The following PTPRM variants were observed in gnomAD, a reference collection of about 807,000 sequenced individuals.
PTPRM encodes the protein protein tyrosine phosphatase receptor type M, also known as receptor-type tyrosine-protein phosphatase mu.
In PTPRM, 47 loss-of-function variants were observed where a neutral mutation model predicts 186.7. The observed-to-expected ratio is 0.25, with a 90% CI of 0.20 to 0.32. The LOEUF (loss-of-function observed/expected upper bound fraction) is 0.32, where lower values mean the gene tolerates loss of function less well. Among genes scored for constraint, PTPRM ranks in the 10% least tolerant of loss-of-function variants. The pLI is 1.00. For synonymous variants in PTPRM, 668 were observed against 674.9 expected, an observed-to-expected ratio of 0.99 and a Z score of 0.16; for missense variants, 1,494 against 1,865.0, an observed-to-expected ratio of 0.80 and a Z score of 3.66.
chr18:7,712,924 G>C (rs988957001), intron 1 of PTPRM, among the ~76,000 whole-genome samples: 1 of 152,044 alleles, frequency 6.6e-6, no homozygotes, highest in African/African-American at 2.4e-5. Flanking sequence ...AAGGAGAATG[G>C]AACCAAGTTG....
chr18:8,010,394 T>A (rs2084453500), intron 7 of PTPRM, among the ~76,000 whole-genome samples: 1 of 152,186 alleles, frequency 6.6e-6, no homozygotes, highest in South Asian at 2.1e-4. Flanking sequence ...TTATGAAATT[T>A]CTGTACCCAT....
chr18:8,394,439 C>A, intron 31 of PTPRM, 37 bp from the exon 32 acceptor site: 1 of 1,586,822 alleles, frequency 6.3e-7, no homozygotes, highest in Non-Finnish European at 8.6e-7. Flanking sequence ...AGTGTAAAGA[C>A]AGACCGAGTG....
intron 25 of PTPRM, 63 bp from the exon 26 acceptor site, chr18:8,376,399 T>TA (rs1342672869): frequency 6.2e-7 from 1 of 1,608,380 alleles, no homozygotes; most frequent in Non-Finnish European, 8.5e-7. Context: ...ATAAAAAATT[T>TA]AAAAAGCAGC....
At chr18:7,907,396 T>G (rs2146566223) in intron 4 of PTPRM, among the ~76,000 whole-genome samples, 1 of 152,236 alleles carries the variant, frequency 6.6e-6, no homozygotes, top group Middle Eastern at 3.4e-3. Flanking sequence ...TGGTCTAGAC[T>G]CAGATGATGA....
intron 2 of PTPRM, among the ~76,000 whole-genome samples, chr18:7,841,917 AT>A (rs958548312): frequency 2.0e-5 from 3 of 147,110 alleles, no homozygotes; most frequent in African/African-American, 7.5e-5. Flanking sequence ...ATAGATATAA[AT>A]ATGACAATTT....
chr18:7,671,233 A>T (rs1023560300), intron 1 of PTPRM, among the ~76,000 whole-genome samples: 1 of 152,194 alleles, frequency 6.6e-6, no homozygotes, highest in African/African-American at 2.4e-5. Flanking sequence ...TGTCTGGTAA[A>T]ATCTCTAGGC....
intron 23 of PTPRM, among the ~76,000 whole-genome samples, chr18:8,344,411 A>G (rs1175533381): frequency 7.0e-6 from 1 of 142,042 alleles, no homozygotes; most frequent in Non-Finnish European, 1.5e-5. Context: ...TACACACAAT[A>G]TAAGTAGGAG....
chr18:7,963,398 G>C (rs964882530), intron 7 of PTPRM, among the ~76,000 whole-genome samples: 3 of 152,232 alleles, frequency 2.0e-5, no homozygotes, highest in South Asian at 2.1e-4. Context: ...TTCTGCATGA[G>C]AGGTTCAGAA....
chr18:8,336,209 A>C (rs1371888567), intron 22 of PTPRM, among the ~76,000 whole-genome samples: 1 of 152,034 alleles, frequency 6.6e-6, no homozygotes, highest in Non-Finnish European at 1.5e-5. Flanking sequence ...AGGTTTTTAC[A>C]CCTGGGCAGT....
At chr18:8,307,532 G>A (rs59703295) in intron 20 of PTPRM, among the ~76,000 whole-genome samples, 3,477 of 152,198 alleles carry the variant, frequency 0.023, 148 homozygotes, top group African/African-American at 0.079. Context: ...GGCCAGGCGC[G>A]GTGGCTCACA....
In PTPRM at chr18:8,194,484, C is replaced by T. The variant is rs73391929; in HGVS notation, c.2301-49574C>T. The stretch of plus-strand genomic sequence containing the variant: ...TAGAGTAACTCTGCTTTCAGGGCTC[C>T]GTGTGAGGACTGAGGGGGCACCCTG... On this transcript the variant is annotated intron_variant, in intron 14 of 32. Coordinates refer to ENST00000580170, the MANE Select transcript of PTPRM (RefSeq NM_001105244.2). Among the ~76,000 whole-genome samples the T allele has an allele frequency of 5.3e-3, 812 of 152,334 alleles. 5 individuals carry two copies. Among genetic ancestry groups the T allele is most frequent in the African/African-American group, 0.019 (770 of 41,572 alleles).
intron 22 of PTPRM, among the ~76,000 whole-genome samples, chr18:8,330,259 C>G (rs2095404991): frequency 6.6e-6 from 1 of 152,182 alleles, no homozygotes; most frequent in African/African-American, 2.4e-5. Context: ...TTTTTCAAGG[C>G]AGCAAACAGT....
chr18:8,125,191 CAG>C (rs1206071541), intron 13 of PTPRM, among the ~76,000 whole-genome samples: 14 of 136,446 alleles, frequency 1.0e-4, no homozygotes, highest in African/African-American at 3.9e-4. Flanking sequence ...GCCTGGGTGA[CAG>C]AGTGAGACTC....
chr18:8,226,978 T>C lies in PTPRM; in HGVS notation c.2301-17080T>C, dbSNP rs141868812. ...CATCATTCTGACCTGCTGTTTTGCC[T>C]CTTAAGGTGTCATGTGATAACACTG... On this transcript the variant is annotated intron_variant, in intron 14 of 32. Transcript: ENST00000580170. Among the ~76,000 whole-genome samples, 618 of 152,344 alleles carry C rather than the reference T, an allele frequency of 4.1e-3. 8 individuals carry two copies. Among genetic ancestry groups the C allele is most frequent in the African/African-American group, 0.014 (581 of 41,578 alleles).
intron 2 of PTPRM, among the ~76,000 whole-genome samples, chr18:7,793,410 C>A (rs2043444066): frequency 6.6e-6 from 1 of 152,194 alleles, no homozygotes; most frequent in Non-Finnish European, 1.5e-5. Flanking sequence ...TCCAATTAAT[C>A]ATTTTCTTTT....
At chr18:7,775,845 A>G (rs1015356192) in intron 2 of PTPRM, among the ~76,000 whole-genome samples, 7 of 152,220 alleles carry the variant, frequency 4.6e-5, no homozygotes, top group Non-Finnish European at 8.8e-5. Flanking sequence ...GGCACAAGAT[A>G]ACTCACCTCC....
chr18:8,272,553 C>T (rs1017932877), intron 19 of PTPRM, among the ~76,000 whole-genome samples: 2 of 151,890 alleles, frequency 1.3e-5, no homozygotes, highest in Non-Finnish European at 2.9e-5. Context: ...AATTATTTGA[C>T]CCATGAATTA....
At chr18:8,293,584 T>C (rs929838794) in intron 19 of PTPRM, among the ~76,000 whole-genome samples, 2 of 152,182 alleles carry the variant, frequency 1.3e-5, no homozygotes, top group African/African-American at 4.8e-5. Context: ...CAGAGGGAAG[T>C]GAAATTGGTA....
At chr18:8,140,826 A>T (rs867241977) in intron 13 of PTPRM, among the ~76,000 whole-genome samples, 3 of 152,212 alleles carry the variant, frequency 2.0e-5, no homozygotes, top group South Asian at 2.1e-4. Context: ...ATTTATACGA[A>T]AAAAAGGAAA....
Sources: gnomAD v4.1 joint callset for allele counts (sites outside exome capture counted in the v4.1 genomes callset) on GRCh38, gnomAD v4.1.1 for gene constraint, MANE v1.5 for transcripts, NCBI Gene and HGNC (gene_info 2026-07-23, HGNC 2026-07-21) for gene names.